Variants in OR6C4 observed in about 807,000 individuals in gnomAD.
OR6C4 encodes the protein olfactory receptor family 6 subfamily C member 4, also known as olfactory receptor 6C4.
OR6C4 carries 20 observed loss-of-function variants against 15.1 expected under a neutral mutation model. That is an observed-to-expected ratio of 1.32 (90% confidence interval 0.93 to 1.92). The LOEUF is 1.92. OR6C4 is among the 30% of genes most tolerant of loss of function. The pLI is 0.00. For missense variants in OR6C4, 491 were observed against 363.2 expected (o/e 1.35, Z -2.86); for synonymous variants, 179 against 134.2 (o/e 1.33, Z -2.31).
intron 1 of OR6C4, among the ~76,000 whole-genome samples, chr12:55,550,645 C>T (rs982438153): frequency 1.4e-4 from 21 of 152,120 alleles, no homozygotes; most frequent in Non-Finnish European, 2.5e-4. Context: ...AAAAGACTCA[C>T]AATACAAAAT....
In OR6C4 at chr12:55,550,090, G is replaced by T. The variant is rs549212271; in HGVS notation, c.-47G>T. 2.0e-5 allele frequency: 3 copies of T among 152,274 alleles called. No individual in the cohort carries two copies. Among genetic ancestry groups the T allele is most frequent in the South Asian group, 4.2e-4 (2 of 4,812 alleles). 9.4% of individuals were successfully genotyped at this position (152,274 alleles called of 1,614,324 possible). A position where few individuals can be genotyped will look rare whatever the true frequency, so the allele number is the denominator to read the frequency against. On this transcript the variant is annotated 5_prime_UTR_variant, in exon 1 of 2. Transcript: ENST00000641569. ...ATGAATCAACTGTGAAAATCTGGAA[G>T]AAAATGCAGTACTTGCCAAAGACCA...
Position 55,551,694 on chromosome 12 carries a change from A to G in OR6C4, c.468A>G (p.Pro156=), listed in dbSNP as rs1476445783. 4 of 1,613,832 alleles carry G rather than the reference A, an allele frequency of 2.5e-6. No individual in the cohort carries two copies. Among genetic ancestry groups the G allele is most frequent in the Non-Finnish European group, 3.4e-6 (4 of 1,179,854 alleles). Reference sequence around the variant, plus strand: ...TGGGGGGATTCCTAGCAATCTTACCACCAATCATCCTGATGACCCAGGTAG... The same window carrying G: ...TGGGGGGATTCCTAGCAATCTTACCGCCAATCATCCTGATGACCCAGGTAG... ...SWLGGFLAIL[P]PIILMTQVDF... The change falls in exon 2 of 2, where the codon CCA becomes CCG. Residue 156 remains proline, a synonymous_variant. Transcript: ENST00000641569.
Position 55,551,688 on chromosome 12 carries a change from C to T in OR6C4, c.462C>T (p.Ile154=), listed in dbSNP as rs1873869496. The stretch of plus-strand genomic sequence containing the variant: ...CCTGGTTGGGGGGATTCCTAGCAAT[C>T]TTACCACCAATCATCCTGATGACCC... ...FCSWLGGFLA[I]LPPIILMTQV... The change falls in exon 2 of 2, where the codon ATC becomes ATT. Residue 154 remains isoleucine, a synonymous_variant. Coordinates refer to ENST00000641569, the MANE Select transcript of OR6C4 (RefSeq NM_001005494.2). The T allele has an allele frequency of 1.2e-6, 2 of 1,613,756 alleles. No homozygotes were observed. Among genetic ancestry groups the T allele is most frequent in the South Asian group, 2.2e-5 (2 of 91,078 alleles).
intron 1 of OR6C4, 100 bp downstream of exon 1, chr12:55,550,218 A>G (rs1873819202): frequency 1.3e-5 from 2 of 152,186 alleles, no homozygotes; most frequent in African/African-American, 4.8e-5. Context: ...GATTTTAATA[A>G]CATAATTTTT....
Position 55,553,085 on chromosome 12 carries a change from G to C in OR6C4, c.*929G>C, listed in dbSNP as rs534961232. ...AACTTTCCCCCAGATTTTTGCTTTC[G>C]TTTGTAACATAAACCATGGATGACC... On this transcript the variant is annotated 3_prime_UTR_variant, in exon 2 of 2. Coordinates refer to ENST00000641569, the MANE Select transcript of OR6C4 (RefSeq NM_001005494.2). 1 of 151,792 alleles carries C rather than the reference G, an allele frequency of 6.6e-6. No homozygotes were observed. Among genetic ancestry groups the C allele is most frequent in the African/African-American group, 2.4e-5 (1 of 41,410 alleles). 9.4% of individuals were successfully genotyped at this position (151,792 alleles called of 1,614,324 possible). A position where few individuals can be genotyped will look rare whatever the true frequency, so the allele number is the denominator to read the frequency against.
chr12:55,551,896 C>G lies in OR6C4; in HGVS notation c.670C>G (p.Leu224Val). Residue 224 changes from leucine to valine, a missense_variant, in exon 2 of 2, where the codon CTG becomes GTG. Coordinates refer to ENST00000641569, the MANE Select transcript of OR6C4 (RefSeq NM_001005494.2). ...LSYTYIIRTILRIPSAQQRTK... is the reference protein window; with the variant it reads ...LSYTYIIRTIVRIPSAQQRTK... Reference sequence around the variant, plus strand: ...TTACACATACATTATCAGGACTATTCTGAGGATCCCTTCTGCCCAGCAAAG... The same window carrying G: ...TTACACATACATTATCAGGACTATTGTGAGGATCCCTTCTGCCCAGCAAAG... The G allele has an allele frequency of 6.2e-7, 1 of 1,613,786 alleles. No homozygotes were observed. The highest frequency in any genetic ancestry group is 8.5e-7 in the Non-Finnish European group (1 of 1,179,896).
chr12:55,551,360 C>T lies in OR6C4; in HGVS notation c.134C>T (p.Thr45Ile). The T allele has an allele frequency of 1.2e-6, 2 of 1,613,746 alleles. No individual in the cohort carries two copies. Residue 45 changes from threonine (T) to isoleucine (I), a missense_variant, in exon 2 of 2, where the codon ACC becomes ATC. Coordinates refer to ENST00000641569, the MANE Select transcript of OR6C4 (RefSeq NM_001005494.2). ...ATCCTAGGAAATCTGACTATTATCA[C>T]CCTCACCTTACTAGACCCCCACCTC... The part of the protein sequence containing the change: ...LSILGNLTII[T>I]LTLLDPHLQT...
rs892248999 is a variant in OR6C4, at chr12:55,549,883, C to T, written c.-254C>T. The T allele has an allele frequency of 6.6e-6, 1 of 151,978 alleles. No homozygotes were observed. The highest frequency in any genetic ancestry group is 1.5e-5 in the Non-Finnish European group (1 of 68,022). 9.4% of individuals were successfully genotyped at this position (151,978 alleles called of 1,614,324 possible). ...AGAAAGGTAAAATGTGGATGGAAGC[C>T]AATAGAAAACATGTTAAAGTATATA... On this transcript the variant is annotated 5_prime_UTR_variant, in exon 1 of 2. Transcript: ENST00000641569.
In OR6C4 at chr12:55,552,801, C is replaced by A. The variant is rs1192174773; in HGVS notation, c.*645C>A. The A allele has an allele frequency of 3.3e-5, 5 of 151,996 alleles. No individual in the cohort carries two copies. The highest frequency in any genetic ancestry group is 1.2e-4 in the African/African-American group (5 of 41,414). 9.4% of individuals were successfully genotyped at this position (151,996 alleles called of 1,614,324 possible). ...AGGAGAAAATTTTTAAGATTTTTGT[C>A]AACTTAATATGTCCATTTTCTAGTT... On this transcript the variant is annotated 3_prime_UTR_variant, in exon 2 of 2. Transcript: ENST00000641569.
rs767053688 is a variant in OR6C4 at position 55,553,524 on chromosome 12, G to A, written c.*1368G>A. Reference sequence around the variant, plus strand: ...AGAGCCACAGAAGGTATTGGAGAATGTATAATATTTTTGAAAAAGTATTTT... The same window carrying A: ...AGAGCCACAGAAGGTATTGGAGAATATATAATATTTTTGAAAAAGTATTTT... On this transcript the variant is annotated 3_prime_UTR_variant, in exon 2 of 2. Coordinates refer to ENST00000641569, the MANE Select transcript of OR6C4 (RefSeq NM_001005494.2). The A allele has an allele frequency of 3.3e-5, 5 of 152,186 alleles. No homozygotes were observed. Among genetic ancestry groups the A allele is most frequent in the Admixed American group, 1.3e-4 (2 of 15,268 alleles). The allele number at this position is 152,186 out of a possible 1,614,324, so 9.4% of individuals were successfully genotyped here.
chr12:55,551,438 T>G lies in OR6C4; in HGVS notation c.212T>G (p.Phe71Cys). Residue 71 changes from phenylalanine (F) to cysteine (C), a missense_variant, in exon 2 of 2, where the codon TTC becomes TGC. By Grantham distance (205) the Phe-to-Cys change is radical (BLOSUM62 -2). Transcript: ENST00000641569. ...AATTTCTCCTTCTTAGAAATTTCCT[T>G]CACATCCATTTTTATTCCCAGATTT... Reference protein sequence around the residue: ...LRNFSFLEISFTSIFIPRFLT... With the variant: ...LRNFSFLEISCTSIFIPRFLT... 6.2e-7 allele frequency: 1 copy of G among 1,613,972 alleles called. No individual in the cohort carries two copies. Among genetic ancestry groups the G allele is most frequent in the Admixed American group, 1.7e-5 (1 of 59,984 alleles).
Position 55,551,753 on chromosome 12 carries a change from A to T in OR6C4, c.527A>T (p.Tyr176Phe), listed in dbSNP as rs761061058. ...GTCTCCAACATTCTGAATCACTATT[A>T]CTGTGACTATGGGCCTCTCGTGGAG... is the stretch of plus-strand genomic sequence containing the variant. The part of the protein sequence containing the change: ...FCVSNILNHY[Y>F]CDYGPLVELA... Residue 176 changes from tyrosine to phenylalanine, a missense_variant, in exon 2 of 2, where the codon TAC (tyrosine) becomes TTC (phenylalanine). Coordinates refer to ENST00000641569, the MANE Select transcript of OR6C4 (RefSeq NM_001005494.2). The T allele has an allele frequency of 6.2e-7, 1 of 1,613,932 alleles. No homozygotes were observed.
chr12:55,555,448 C>A lies in OR6C4; in HGVS notation c.*3292C>A, dbSNP rs1156484286. 1 of 152,114 alleles carries A rather than the reference C, an allele frequency of 6.6e-6. No individual in the cohort carries two copies. Among genetic ancestry groups the A allele is most frequent in the Non-Finnish European group, 1.5e-5 (1 of 68,030 alleles). The allele number at this position is 152,114 out of a possible 1,614,324, so 9.4% of individuals were successfully genotyped here. A position where few individuals can be genotyped will look rare whatever the true frequency, so the allele number is the denominator to read the frequency against. On this transcript the variant is annotated 3_prime_UTR_variant, in exon 2 of 2. Transcript: ENST00000641569. Reference sequence around the variant, plus strand: ...ATTACTTCACTTAGAATAACGACTTCCAGCTCCATCCAAACTGCTGCAAAA... The same window carrying A: ...ATTACTTCACTTAGAATAACGACTTACAGCTCCATCCAAACTGCTGCAAAA...
In OR6C4 at chr12:55,552,022, G is replaced by A. The variant is rs530952461; in HGVS notation, c.796G>A (p.Gly266Ser). ...CATTAATCCTTCTGCAAAAGAAGGAGGTGCTTTCAACAAAGGAATAGCTGT... is the reference window on the plus strand; with the variant it reads ...CATTAATCCTTCTGCAAAAGAAGGAAGTGCTTTCAACAAAGGAATAGCTGT... ...MYINPSAKEG[G>S]AFNKGIAVLI... Residue 266 changes from glycine (G) to serine (S), a missense_variant, in exon 2 of 2, where the codon GGT becomes AGT. Physicochemically the swap from Gly to Ser is moderately conservative, Grantham distance 56. Transcript: ENST00000641569. The A allele has an allele frequency of 1.2e-6, 2 of 1,613,538 alleles. No individual in the cohort carries two copies. The highest frequency in any genetic ancestry group is 1.3e-5 in the African/African-American group (1 of 75,012).
At position 55,549,897 on chromosome 12, in the gene OR6C4, T is replaced by C. The variant is rs1006040201; in HGVS notation, c.-240T>C. ...TGGATGGAAGCCAATAGAAAACATG[T>C]TAAAGTATATACTACTCAAAGATTC... On this transcript the variant is annotated 5_prime_UTR_variant, in exon 1 of 2. Coordinates refer to ENST00000641569, the MANE Select transcript of OR6C4 (RefSeq NM_001005494.2). The C allele has an allele frequency of 9.9e-5, 15 of 152,198 alleles. No individual in the cohort carries two copies. The highest frequency in any genetic ancestry group is 7.9e-4 in the Admixed American group (12 of 15,276). 9.4% of individuals were successfully genotyped at this position (152,198 alleles called of 1,614,324 possible).
Position 55,554,161 on chromosome 12 carries a change from G to C in OR6C4, c.*2005G>C, listed in dbSNP as rs1873953254. The C allele has an allele frequency of 6.6e-6, 1 of 152,100 alleles. No individual in the cohort carries two copies. Among genetic ancestry groups the C allele is most frequent in the African/African-American group, 2.4e-5 (1 of 41,418 alleles). The allele number at this position is 152,100 out of a possible 1,614,324, so 9.4% of individuals were successfully genotyped here. A position where few individuals can be genotyped will look rare whatever the true frequency, so the allele number is the denominator to read the frequency against. ...CATGCTGGGTAGCTGGGTCAGCAAAGATCTTACCTACTCTTCAGATAAAGC... is the reference window on the plus strand; with the variant it reads ...CATGCTGGGTAGCTGGGTCAGCAAACATCTTACCTACTCTTCAGATAAAGC... On this transcript the variant is annotated 3_prime_UTR_variant, in exon 2 of 2. Coordinates refer to ENST00000641569, the MANE Select transcript of OR6C4 (RefSeq NM_001005494.2).
chr12:55,551,970 C>T lies in OR6C4; in HGVS notation c.744C>T (p.Leu248=). Residue 248 remains leucine (L), a synonymous_variant, in exon 2 of 2, where the codon CTC becomes CTT. Coordinates refer to ENST00000641569, the MANE Select transcript of OR6C4 (RefSeq NM_001005494.2). The part of the protein sequence containing the change: ...TCSSHMIVIS[L]SYGSCMFMYI... Reference sequence around the variant, plus strand: ...CCTCCCACATGATTGTCATCTCCCTCTCTTATGGCAGCTGCATGTTTATGT... The same window carrying T: ...CCTCCCACATGATTGTCATCTCCCTTTCTTATGGCAGCTGCATGTTTATGT... The T allele has an allele frequency of 2.5e-6, 4 of 1,613,888 alleles. No homozygotes were observed. Among genetic ancestry groups the T allele is most frequent in the Non-Finnish European group, 3.4e-6 (4 of 1,179,906 alleles).
At chr12:55,551,079 A>G (rs1403442666) in intron 1 of OR6C4, 130 bp from the exon 2 acceptor site, 39 of 618,590 alleles carry the variant, frequency 6.3e-5, no homozygotes, top group Middle Eastern at 7.9e-4. Flanking sequence ...AGTGCACCCC[A>G]ATGGGACACT....
chr12:55,555,022 T>TGGTTTTTGCTACTAAAAGTAATGGC lies in OR6C4; in HGVS notation c.*2867_*2891dup, dbSNP rs1423256344. The TGGTTTTTGCTACTAAAAGTAATGGC allele has an allele frequency of 9.9e-5, 15 of 152,042 alleles. No individual in the cohort carries two copies. Among genetic ancestry groups the TGGTTTTTGCTACTAAAAGTAATGGC allele is most frequent in the African/African-American group, 3.6e-4 (15 of 41,396 alleles). The allele number at this position is 152,042 out of a possible 1,614,324, so 9.4% of individuals were successfully genotyped here. On this transcript the variant is annotated 3_prime_UTR_variant, in exon 2 of 2. Coordinates refer to ENST00000641569, the MANE Select transcript of OR6C4 (RefSeq NM_001005494.2). Reference sequence around the variant, plus strand: ...TATTACATTGATAGAAAAGTAATTGTGGTTTTTGCTACTAAAAGTAATGGC... The same window carrying TGGTTTTTGCTACTAAAAGTAATGGC: ...TATTACATTGATAGAAAAGTAATTGTGGTTTTTGCTACTAAAAGTAATGGCGGTTTTTGCTACTAAAAGTAATGGC...
Sources: allele counts gnomAD v4.1 joint callset (sites outside exome capture counted in the v4.1 genomes callset), GRCh38; gene constraint gnomAD v4.1.1; transcripts MANE v1.5; gene names NCBI Gene and HGNC (gene_info 2026-07-23, HGNC 2026-07-21).